TEKT3: variants seen among roughly 807,000 people sequenced by gnomAD.
TEKT3 encodes the protein tektin-3.
TEKT3 carries 49 observed loss-of-function variants against 49.8 expected under a neutral mutation model. The observed-to-expected ratio is 0.98, with a 90% CI of 0.78 to 1.25. TEKT3 has a LOEUF of 1.25. TEKT3 is among the 50% of genes most tolerant of loss of function. The pLI is 0.00. For synonymous variants in TEKT3, 225 were observed against 237.2 expected, an observed-to-expected ratio of 0.95 and a Z score of 0.47; for missense variants, 595 against 629.5, an observed-to-expected ratio of 0.95 and a Z score of 0.59.
rs752043485 is a variant in TEKT3 at position 15,303,986 on chromosome 17, T to A, written c.1423A>T (p.Ser475Cys). Residue 475 changes from serine (S) to cysteine (C), a missense_variant, in exon 9 of 9, where the codon AGC (serine) becomes TGC (cysteine). Physicochemically the swap from Ser to Cys is moderately radical, Grantham distance 112 (BLOSUM62 -1). Transcript: ENST00000395930. ...GTGTTGGGGTAGCTCTTGCGCATGC[T>A]CATGCATTTTTCCTGGTCGATGTAC... Reference protein sequence around the residue: ...SLYIDQEKCMSMRKSYPNTLR... With the variant: ...SLYIDQEKCMCMRKSYPNTLR... 39 of 1,614,024 alleles carry A rather than the reference T, an allele frequency of 2.4e-5. No homozygotes were observed. The East Asian group carries it at 5.1e-4, about 21-fold the overall frequency.
chr17:15,305,123 A>G (rs1910490850), intron 8 of TEKT3, among the ~76,000 whole-genome samples: 1 of 152,188 alleles, frequency 6.6e-6, no homozygotes, highest in Non-Finnish European at 1.5e-5. Context: ...AGAGTTGCCC[A>G]AGGTCTGAAT....
chr17:15,332,403 C>A (rs961880210), intron 2 of TEKT3, among the ~76,000 whole-genome samples: 3 of 152,292 alleles, frequency 2.0e-5, no homozygotes, highest in Admixed American at 6.5e-5. Context: ...AATTACTTAA[C>A]CTCTCTGTGC....
chr17:15,331,027 C>A lies in TEKT3; in HGVS notation c.559G>T (p.Glu187Ter). Residue 187 changes from glutamate to a stop codon, truncating the protein, a stop_gained, in exon 3 of 9, where the codon GAG becomes TAG. Coordinates refer to ENST00000395930, the MANE Select transcript of TEKT3 (RefSeq NM_031898.3). LOFTEE classifies it high-confidence loss of function. ...CTTACCTGAAGAGGGGCTTCAGTCT[C>A]CATCAAAGCCCGCTCCAGTCTTTTC... ...VKKRLERALM[E>*]TEAPLQVARE... 1 of 1,612,122 alleles carries A rather than the reference C, an allele frequency of 6.2e-7. No homozygotes were observed. The highest frequency in any genetic ancestry group is 8.5e-7 in the Non-Finnish European group (1 of 1,179,000).
intron 2 of TEKT3, among the ~76,000 whole-genome samples, chr17:15,333,529 C>T (rs188146970): frequency 6.6e-6 from 1 of 152,222 alleles, no homozygotes; most frequent in Non-Finnish European, 1.5e-5. Flanking sequence ...CCTTAGTTAC[C>T]ATTTGCAGTT....
At chr17:15,314,312 G>C in intron 5 of TEKT3, 82 bp from the exon 6 acceptor site, 1 of 1,563,194 alleles carries the variant, frequency 6.4e-7, no homozygotes, top group Non-Finnish European at 8.7e-7. Context: ...TTCCATATTG[G>C]GACCTCTCTC....
At chr17:15,342,728 GGAGAT>G (rs1234650283), upstream of TEKT3, among the ~76,000 whole-genome samples, 2 of 152,142 alleles carry the variant, frequency 1.3e-5, no homozygotes, top group African/African-American at 4.8e-5. Context: ...CTCTAACTGT[GGAGAT>G]GAGCCCAGAG....
At chr17:15,321,313 A>G (rs1024946221) in intron 4 of TEKT3, among the ~76,000 whole-genome samples, 5 of 152,040 alleles carry the variant, frequency 3.3e-5, no homozygotes, top group African/African-American at 1.2e-4. Context: ...CCGGCCAACA[A>G]TAATTTTTAT....
chr17:15,325,819 A>G (rs1911465614), intron 4 of TEKT3, among the ~76,000 whole-genome samples: 1 of 152,216 alleles, frequency 6.6e-6, no homozygotes, highest in African/African-American at 2.4e-5. Flanking sequence ...ATTCCTATCC[A>G]GTTAGGATGA....
intron 4 of TEKT3, among the ~76,000 whole-genome samples, chr17:15,322,263 T>G (rs1346751021): frequency 1.3e-5 from 2 of 152,204 alleles, no homozygotes; most frequent in Non-Finnish European, 2.9e-5. Context: ...GCCACAAGCT[T>G]CGGCGTCAGA....
At chr17:15,319,044 A>AT in intron 5 of TEKT3, 33 bp downstream of exon 5, 1 of 1,543,062 alleles carries the variant, frequency 6.5e-7, no homozygotes, top group Non-Finnish European at 8.8e-7. Context: ...TCAATGATAG[A>AT]TTTTGAATTG....
intron 3 of TEKT3, among the ~76,000 whole-genome samples, chr17:15,330,637 G>A (rs189480925): frequency 6.6e-4 from 101 of 152,206 alleles, no homozygotes; most frequent in African/African-American, 2.3e-3. Context: ...AGAACCAGGC[G>A]CCAATTAAAC....
chr17:15,318,777 C>T (rs906413024), intron 5 of TEKT3, among the ~76,000 whole-genome samples: 9 of 152,098 alleles, frequency 5.9e-5, no homozygotes, highest in East Asian at 1.9e-4. Context: ...TGGGCTCAAG[C>T]GATTTTCCTG....
chr17:15,338,530 G>A (rs1912084252), intron 2 of TEKT3: 1 of 148,782 alleles, frequency 6.7e-6, no homozygotes, highest in Non-Finnish European at 1.5e-5. Flanking sequence ...TTGAGATGGA[G>A]TCTCGCTCTG....
chr17:15,328,539 T>C (rs1911582557), intron 3 of TEKT3, among the ~76,000 whole-genome samples: 1 of 152,206 alleles, frequency 6.6e-6, no homozygotes, highest in Non-Finnish European at 1.5e-5. Context: ...TTTTAAAGTG[T>C]CATTGATTGT....
chr17:15,332,872 G>GT (rs1411716643), intron 2 of TEKT3, among the ~76,000 whole-genome samples: 4 of 152,002 alleles, frequency 2.6e-5, no homozygotes, highest in Non-Finnish European at 5.9e-5. Context: ...ATTAATAGTT[G>GT]TATCTTTCCA....
In TEKT3 at chr17:15,327,798, G is replaced by A. The variant is rs573699452; in HGVS notation, c.663+194C>T. The A allele has an allele frequency of 6.5e-4, 290 of 444,686 alleles. 2 individuals are homozygous for A. Among genetic ancestry groups the A allele is most frequent in the Non-Finnish European group, 8.0e-4 (200 of 249,732 alleles). 27.5% of individuals were successfully genotyped at this position (444,686 alleles called of 1,614,324 possible). A position where few individuals can be genotyped will look rare whatever the true frequency, so the allele number is the denominator to read the frequency against. Reference sequence around the variant, plus strand: ...AAGTGATTTTCATCTTTATTTACTCGTTTGCATTTTCATATTCTCATTGAA... The same window carrying A: ...AAGTGATTTTCATCTTTATTTACTCATTTGCATTTTCATATTCTCATTGAA... On this transcript the variant is annotated intron_variant, in intron 4 of 8. Transcript: ENST00000395930.
At chr17:15,333,439 T>C (rs1402052727) in intron 2 of TEKT3, among the ~76,000 whole-genome samples, 2 of 152,210 alleles carry the variant, frequency 1.3e-5, no homozygotes, top group African/African-American at 4.8e-5. Flanking sequence ...CCTAGTTCTC[T>C]TTCTGCTAAA....
intron 8 of TEKT3, among the ~76,000 whole-genome samples, chr17:15,306,089 A>ATGTGTGTG (rs58688985): frequency 0.01 from 1,479 of 144,380 alleles, 10 homozygotes; most frequent in Middle Eastern, 0.014. Context: ...ATTTATATAT[A>ATGTGTGTG]TGTGTGTGTG....
intron 8 of TEKT3, among the ~76,000 whole-genome samples, chr17:15,305,550 G>A (rs976328766): frequency 3.3e-5 from 5 of 152,028 alleles, no homozygotes; most frequent in South Asian, 2.1e-4. Context: ...ATACATCTTC[G>A]GCGAGGCTGC....
Sources: allele counts gnomAD v4.1 joint callset (sites outside exome capture counted in the v4.1 genomes callset), GRCh38; gene constraint gnomAD v4.1.1; transcripts MANE v1.5; gene names NCBI Gene and HGNC (gene_info 2026-07-23, HGNC 2026-07-21).